IARS1: variants seen among roughly 807,000 people sequenced by gnomAD.
IARS1 encodes the protein isoleucyl-tRNA synthetase 1, also known as isoleucine--tRNA ligase, cytoplasmic.
Under a neutral mutation model 168.2 loss-of-function variants are expected in IARS1, and 124 were observed. The observed-to-expected ratio is 0.74, with a 90% confidence interval of 0.64 to 0.86. IARS1 has a LOEUF of 0.86. Ranked by LOEUF, IARS1 falls within the 40% of genes least tolerant of loss-of-function variation. IARS1 has a pLI of 0.00. For synonymous variants in IARS1, 532 were observed against 529.4 expected (o/e 1.00, Z -0.07); for missense variants, 1,452 against 1,515.8 (o/e 0.96, Z 0.70).
chr9:92,272,864 CAAAA>C (rs869076663), intron 10 of IARS1, among the ~76,000 whole-genome samples: 13 of 57,040 alleles, frequency 2.3e-4, no homozygotes, highest in East Asian at 8.6e-4. Context: ...CAAAACAAAA[CAAAA>C]AAAAAAAAAA....
rs1399662364 is a variant in IARS1, at chr9:92,260,219, C to T, written c.1803G>A (p.Met601Ile). The T allele has an allele frequency of 1.2e-6, 2 of 1,613,826 alleles. No individual in the cohort carries two copies. The highest frequency in any genetic ancestry group is 2.2e-5 in the East Asian group (1 of 44,876). The stretch of plus-strand genomic sequence containing the variant: ...CTGGATAATTCTTTTTCCGTTTGCT[C>T]ATTTTTTGGCCATCACTTGTAAAAC... Reference protein sequence around the residue: ...GLVLASDGQKMSKRKKNYPDP... With the variant: ...GLVLASDGQKISKRKKNYPDP... The change falls in exon 18 of 34, where the codon ATG (methionine) becomes ATA (isoleucine). Residue 601 changes from methionine (M) to isoleucine (I), a missense_variant. Met to Ile is a conservative substitution (Grantham distance 10, BLOSUM62 1). Transcript: ENST00000443024.
chr9:92,250,008 T>A, intron 24 of IARS1, 67 bp from the exon 25 acceptor site: 1 of 969,866 alleles, frequency 1.0e-6, no homozygotes, highest in Non-Finnish European at 1.7e-6. Context: ...AAAAATGGAA[T>A]ATTAAATGTT....
chr9:92,251,990 T>C (rs1387477449), intron 21 of IARS1, 105 bp from the exon 22 acceptor site: 4 of 807,754 alleles, frequency 5.0e-6, no homozygotes, highest in African/African-American at 1.7e-5. Flanking sequence ...ACATGCAGCA[T>C]ACAGACAAGA....
intron 6 of IARS1, 58 bp from the exon 7 acceptor site, chr9:92,280,951 A>G: frequency 1.7e-6 from 2 of 1,181,070 alleles, no homozygotes; most frequent in Non-Finnish European, 2.4e-6. Flanking sequence ...GACACCTAAG[A>G]AAAAGGAACT....
chr9:92,264,891 A>T, intron 16 of IARS1, 38 bp downstream of exon 16: 1 of 1,551,848 alleles, frequency 6.4e-7, no homozygotes, highest in Non-Finnish European at 8.8e-7. Context: ...ATAAAATAAA[A>T]TCAATAAAAC....
intron 28 of IARS1, 155 bp from the exon 29 acceptor site, chr9:92,242,485 C>A: frequency 1.6e-6 from 1 of 610,718 alleles, no homozygotes; most frequent in Non-Finnish European, 2.9e-6. Context: ...GTAAGACTAA[C>A]TGCACTCAGT....
chr9:92,241,727 T>A (rs993155299), intron 29 of IARS1, among the ~76,000 whole-genome samples: 1 of 147,620 alleles, frequency 6.8e-6, no homozygotes, highest in South Asian at 2.1e-4. Flanking sequence ...TTCCTAGATG[T>A]AACAACAGAA....
chr9:92,247,548 G>A lies in IARS1; in HGVS notation c.2620C>T (p.Leu874Phe). The A allele has an allele frequency of 6.2e-7, 1 of 1,611,906 alleles. No individual in the cohort carries two copies. Among genetic ancestry groups the A allele is most frequent in the Non-Finnish European group, 8.5e-7 (1 of 1,179,286 alleles). The change falls in exon 26 of 34, where the codon CTC becomes TTC. Residue 874 changes from leucine to phenylalanine, a missense_variant. Transcript: ENST00000443024. ...GACAGTGTAACTTTTCGAACATTGA[G>A]TTCCTACAGTTAATGCACAAGAGGA... ...KSLEKYIIEE[L>F]NVRKVTLSTD...
intron 30 of IARS1, among the ~76,000 whole-genome samples, chr9:92,231,569 A>G (rs2133499272): frequency 6.7e-6 from 1 of 148,414 alleles, no homozygotes; most frequent in Non-Finnish European, 1.5e-5. Flanking sequence ...ATGTGCCACC[A>G]TGCCCAGCTA....
intron 30 of IARS1, among the ~76,000 whole-genome samples, chr9:92,233,948 A>G (rs535168378): frequency 6.6e-6 from 1 of 152,198 alleles, no homozygotes; most frequent in East Asian, 1.9e-4. Flanking sequence ...TCTTGTAGAG[A>G]CGGGGTCTCA....
At position 92,245,213 on chromosome 9, in the gene IARS1, A is replaced by G. The variant is rs1422917217; in HGVS notation, c.2792-142T>C. The G allele has an allele frequency of 3.9e-5, 26 of 661,690 alleles. No individual in the cohort carries two copies. The South Asian group carries it at 4.7e-4, about 12-fold the overall frequency. 41.0% of individuals were successfully genotyped at this position (661,690 alleles called of 1,614,324 possible). ...TCAAGAGATCATTTCCCTCTGACTC[A>G]TGTCATGGTTGTAGCCAAGACATGA... On this transcript the variant is annotated intron_variant, in intron 26 of 33. Transcript: ENST00000443024.
intron 30 of IARS1, among the ~76,000 whole-genome samples, chr9:92,231,648 G>T (rs1314726439): frequency 1.3e-5 from 2 of 148,364 alleles, no homozygotes; most frequent in Non-Finnish European, 3.0e-5. Flanking sequence ...GGCTGGTCTT[G>T]AACTCCTGAC....
chr9:92,270,029 TA>T lies in IARS1; in HGVS notation c.1206-47del, dbSNP rs750160595. 3 of 1,210,462 alleles carry T rather than the reference TA, an allele frequency of 2.5e-6. No individual in the cohort carries two copies. The African/African-American group carries it at 4.5e-5, about 18-fold the overall frequency. The allele number at this position is 1,210,462 out of a possible 1,614,324, so 75.0% of individuals were successfully genotyped here. On this transcript the variant is annotated intron_variant, in intron 12 of 33. Transcript: ENST00000443024. Reference sequence around the variant, plus strand: ...ACATAGCTGCTCAGGCTGAGACTAGTAGGCACTACGGTAAGACTGACTTTTC... The same window carrying T: ...ACATAGCTGCTCAGGCTGAGACTAGTGGCACTACGGTAAGACTGACTTTTC...
rs759151084 is a variant in IARS1 at position 92,256,674 on chromosome 9, A to G, written c.2137+6T>C. On this transcript the variant is annotated splice_donor_region_variant and intron_variant, in intron 20 of 33. Transcript: ENST00000443024. ...TTCCTGGGAGGACAGACCAAGAGAG[A>G]CTCACCTGCCATTTCAGTCTCAAAG... 1 of 1,613,108 alleles carries G rather than the reference A, an allele frequency of 6.2e-7. No homozygotes were observed. The highest frequency in any genetic ancestry group is 1.7e-5 in the Admixed American group (1 of 59,972).
chr9:92,210,720 T>C lies in IARS1; in HGVS notation c.*87A>G. 1 of 773,314 alleles carries C rather than the reference T, an allele frequency of 1.3e-6. No individual in the cohort carries two copies. The highest frequency in any genetic ancestry group is 2.3e-6 in the Non-Finnish European group (1 of 430,426). The allele number at this position is 773,314 out of a possible 1,614,324, so 47.9% of individuals were successfully genotyped here. ...ACACCTGAAGGAAATATCTTCAGTGTGTTCATGTGTGTGTCTATGTGCATG... is the reference window on the plus strand; with the variant it reads ...ACACCTGAAGGAAATATCTTCAGTGCGTTCATGTGTGTGTCTATGTGCATG... On this transcript the variant is annotated 3_prime_UTR_variant, in exon 34 of 34. Transcript: ENST00000443024.
At chr9:92,229,638 T>G (rs1471696184) in intron 30 of IARS1, among the ~76,000 whole-genome samples, 1 of 152,224 alleles carries the variant, frequency 6.6e-6, no homozygotes, top group Non-Finnish European at 1.5e-5. Context: ...TTTACTTTAT[T>G]AATATATTTG....
At chr9:92,267,823 T>C (rs999748126) in intron 14 of IARS1, among the ~76,000 whole-genome samples, 2 of 152,192 alleles carry the variant, frequency 1.3e-5, no homozygotes, top group Non-Finnish European at 2.9e-5. Flanking sequence ...TCATCATCTA[T>C]AAAGTCAGTT....
intron 6 of IARS1, among the ~76,000 whole-genome samples, chr9:92,283,127 A>C (rs890967193): frequency 2.0e-5 from 3 of 152,136 alleles, no homozygotes; most frequent in Admixed American, 2.0e-4. Context: ...AAGTCAAAAA[A>C]ATTTTAAAAA....
chr9:92,257,915 G>A (rs1429469623), intron 19 of IARS1, among the ~76,000 whole-genome samples: 1 of 152,132 alleles, frequency 6.6e-6, no homozygotes, highest in East Asian at 1.9e-4. Context: ...GGTGATGGAC[G>A]CTGACAATGG....
Sources: allele counts gnomAD v4.1 joint callset (sites outside exome capture counted in the v4.1 genomes callset), GRCh38; gene constraint gnomAD v4.1.1; transcripts MANE v1.5; gene names NCBI Gene and HGNC (gene_info 2026-07-23, HGNC 2026-07-21).